The following CBL variants were observed in gnomAD, a reference collection of about 807,000 sequenced individuals.
The protein encoded by CBL is Cbl proto-oncogene.
CBL carries 45 observed loss-of-function variants against 96.9 expected under a neutral mutation model. The observed-to-expected ratio is 0.46, with a 90% CI of 0.37 to 0.60. CBL has a LOEUF of 0.60. Ranked by LOEUF, CBL falls within the 20% of genes least tolerant of loss-of-function variation. The pLI is 0.00. For synonymous variants in CBL, 420 were observed against 426.8 expected (o/e 0.98, Z 0.20); for missense variants, 1,024 against 1,143.5 (o/e 0.90, Z 1.51).
intron 1 of CBL, among the ~76,000 whole-genome samples, chr11:119,217,097 C>G (rs1453154558): frequency 6.6e-6 from 1 of 152,166 alleles, no homozygotes; most frequent in Non-Finnish European, 1.5e-5. Context: ...ATAGATTAAA[C>G]AAGCTACTTA....
rs1241219882 is a variant in CBL, at chr11:119,270,451, T to A, written c.444-1284T>A. Among the ~76,000 whole-genome samples the A allele has an allele frequency of 7.8e-5, 8 of 102,668 alleles. No individual in the cohort carries two copies. The East Asian group carries it at 8.2e-4, about 11-fold the overall frequency. 67.4% of individuals were successfully genotyped at this position (102,668 alleles called of 152,430 possible). A position where few individuals can be genotyped will look rare whatever the true frequency, so the allele number is the denominator to read the frequency against. On this transcript the variant is annotated intron_variant, in intron 2 of 15. Transcript: ENST00000264033. ...ATATATATATATTTTTTTTTTTTTT[T>A]TTTTTTTTTTTTTGAGACGGAGTCT...
chr11:119,244,876 TTG>T (rs1200500509), intron 2 of CBL, among the ~76,000 whole-genome samples: 1 of 151,812 alleles, frequency 6.6e-6, no homozygotes, highest in African/African-American at 2.4e-5. Context: ...AGACAGGGTC[TTG>T]CTTTGTCACA....
At chr11:119,263,087 A>G (rs1288774797) in intron 2 of CBL, among the ~76,000 whole-genome samples, 1 of 152,214 alleles carries the variant, frequency 6.6e-6, no homozygotes, top group Non-Finnish European at 1.5e-5. Context: ...TTAGTAAAGC[A>G]TCTAATCCCT....
chr11:119,256,092 T>A (rs1200343345), intron 2 of CBL, among the ~76,000 whole-genome samples: 1 of 151,774 alleles, frequency 6.6e-6, no homozygotes, highest in Non-Finnish European at 1.5e-5. Context: ...ATGGAGTGAA[T>A]AAATTAATGA....
chr11:119,246,183 C>T (rs991323231), intron 2 of CBL, among the ~76,000 whole-genome samples: 12 of 151,926 alleles, frequency 7.9e-5, no homozygotes, highest in Middle Eastern at 3.4e-3. Context: ...CTATGTTGGC[C>T]AGGATAGTCT....
intron 2 of CBL, among the ~76,000 whole-genome samples, chr11:119,270,707 A>G (rs1318991548): frequency 6.6e-6 from 1 of 151,570 alleles, no homozygotes; most frequent in African/African-American, 2.4e-5. Flanking sequence ...CGGCCTCCCA[A>G]AGTGCTGGGA....
At position 119,307,680 on chromosome 11, in the gene CBL, A is replaced by C. The variant is rs1950156908; in HGVS notation, c.*7899A>C. On this transcript the variant is annotated 3_prime_UTR_variant, in exon 16 of 16. Transcript: ENST00000264033. Reference sequence around the variant, plus strand: ...TTTCCCCTGCCTTTAACTAATAAAGAATTGGGAGACAGAAATTTTAAAGTC... The same window carrying C: ...TTTCCCCTGCCTTTAACTAATAAAGCATTGGGAGACAGAAATTTTAAAGTC... 1 of 226,770 alleles carries C rather than the reference A, an allele frequency of 4.4e-6. No homozygotes were observed. Among genetic ancestry groups the C allele is most frequent in the Non-Finnish European group, 8.8e-6 (1 of 114,026 alleles). 14.0% of individuals were successfully genotyped at this position (226,770 alleles called of 1,614,324 possible).
chr11:119,279,162 G>A (rs1949913649), intron 9 of CBL, among the ~76,000 whole-genome samples: 1 of 151,634 alleles, frequency 6.6e-6, no homozygotes, highest in African/African-American at 2.4e-5. Context: ...ACTAGAATAA[G>A]TTCTGTTCCC....
chr11:119,233,697 G>T, intron 2 of CBL, among the ~76,000 whole-genome samples: 1 of 152,298 alleles, frequency 6.6e-6, no homozygotes, highest in Middle Eastern at 3.4e-3. Context: ...CATCTAGAAT[G>T]AGTAATAAAA....
intron 2 of CBL, among the ~76,000 whole-genome samples, chr11:119,252,954 C>G (rs1949681800): frequency 6.6e-6 from 1 of 151,172 alleles, no homozygotes; most frequent in Non-Finnish European, 1.5e-5. Context: ...ATCTTCCTTG[C>G]AGATCCTAAA....
chr11:119,218,896 A>G (rs1472320642), intron 1 of CBL, among the ~76,000 whole-genome samples: 1 of 152,234 alleles, frequency 6.6e-6, no homozygotes, highest in African/African-American at 2.4e-5. Flanking sequence ...TAAGATGTAC[A>G]GTAAGAATGA....
At position 119,301,398 on chromosome 11, in the gene CBL, T is replaced by C. The variant is rs566737815; in HGVS notation, c.*1617T>C. The C allele has an allele frequency of 1.7e-5, 4 of 233,078 alleles. No homozygotes were observed. In the South Asian group the frequency reaches 7.2e-4, roughly 42 times the overall value. 14.4% of individuals were successfully genotyped at this position (233,078 alleles called of 1,614,324 possible). On this transcript the variant is annotated 3_prime_UTR_variant, in exon 16 of 16. Transcript: ENST00000264033. The stretch of plus-strand genomic sequence containing the variant: ...ATTCTGTCCAGAGTGTTTAGCTCAC[T>C]TTCTTAGCAGTGTGTAAGCTTTCTC...
chr11:119,267,137 T>C (rs1231812058), intron 2 of CBL, among the ~76,000 whole-genome samples: 1 of 152,258 alleles, frequency 6.6e-6, no homozygotes, highest in Non-Finnish European at 1.5e-5. Flanking sequence ...TGGACTTTTG[T>C]AAATTCATTA....
In CBL at chr11:119,211,100, G is replaced by A. The variant is rs12364458; in HGVS notation, c.195+4488G>A. 1.5e-3 allele frequency among the ~76,000 whole-genome samples: 229 copies of A among 152,200 alleles called. 1 individual carries two copies. Among genetic ancestry groups the A allele is most frequent in the Admixed American group, 2.6e-3 (40 of 15,288 alleles). On this transcript the variant is annotated intron_variant, in intron 1 of 15. Coordinates refer to ENST00000264033, the MANE Select transcript of CBL (RefSeq NM_005188.4). Reference sequence around the variant, plus strand: ...AAATATCTTATTGTAGGCTGGGCGCGGTGGCTCATGCCTGTAATCCCAGCA... The same window carrying A: ...AAATATCTTATTGTAGGCTGGGCGCAGTGGCTCATGCCTGTAATCCCAGCA...
chr11:119,260,959 T>TTTTTTTTTTA (rs57372947), intron 2 of CBL, among the ~76,000 whole-genome samples: 2 of 149,024 alleles, frequency 1.3e-5, no homozygotes, highest in Non-Finnish European at 3.0e-5. Flanking sequence ...TTTTTTTTTT[T>TTTTTTTTTTA]AATGGAGGCA....
chr11:119,227,994 G>T (rs984285350), intron 1 of CBL, among the ~76,000 whole-genome samples: 1 of 151,652 alleles, frequency 6.6e-6, no homozygotes, highest in Non-Finnish European at 1.5e-5. Context: ...ATAAAAACTG[G>T]TACAACCTTT....
At position 119,298,424 on chromosome 11, in the gene CBL, G is replaced by A. The variant is rs1241925405; in HGVS notation, c.2318G>A (p.Gly773Glu). 1.2e-6 allele frequency: 2 copies of A among 1,614,010 alleles called. No homozygotes were observed. Among genetic ancestry groups the A allele is most frequent in the African/African-American group, 2.7e-5 (2 of 74,914 alleles). Residue 773 changes from glycine (G) to glutamate (E), a missense_variant, in exon 15 of 16, where the codon GGG becomes GAG. Coordinates refer to ENST00000264033, the MANE Select transcript of CBL (RefSeq NM_005188.4). ...GAGGAGTCAGAAAATGAGGATGATG[G>A]GTATGATGTCCCAAAGCCACCTGTG... ...GPEESENEDD[G>E]YDVPKPPVPA...
At position 119,299,630 on chromosome 11, in the gene CBL, T is replaced by C. The variant is rs750919864; in HGVS notation, c.2570T>C (p.Leu857Pro). The C allele has an allele frequency of 6.2e-7, 1 of 1,614,080 alleles. No individual in the cohort carries two copies. The highest frequency in any genetic ancestry group is 1.7e-5 in the Admixed American group (1 of 60,014). ...AASAATASPQ[L>P]SSEIENLMSQ... ...TCTGCTGCCACCGCCTCACCTCAGC[T>C]CTCCAGTGAGATCGAGAACCTCATG... Residue 857 changes from leucine to proline, a missense_variant, in exon 16 of 16, where the codon CTC becomes CCC. Leu to Pro is a moderately conservative substitution (Grantham distance 98). This residue lies in a region of CBL where 695 missense variants were observed against 661.6 expected (regional missense o/e 1.05). Coordinates refer to ENST00000264033, the MANE Select transcript of CBL (RefSeq NM_005188.4).
chr11:119,210,504 A>G (rs1046075339), intron 1 of CBL, among the ~76,000 whole-genome samples: 4 of 151,300 alleles, frequency 2.6e-5, no homozygotes, highest in Admixed American at 2.0e-4. Flanking sequence ...ATCTCGGCTC[A>G]TTGTTTCCTC....
Sources: allele counts gnomAD v4.1 joint callset (sites outside exome capture counted in the v4.1 genomes callset), GRCh38; gene constraint gnomAD v4.1.1; regional missense constraint gnomAD v4.1.1; transcripts MANE v1.5; gene names NCBI Gene and HGNC (gene_info 2026-07-23, HGNC 2026-07-21).